Variants in DAB1 observed in about 807,000 individuals in gnomAD.
DAB1 encodes the protein disabled homolog 1.
In DAB1, 15 loss-of-function variants were observed where a neutral mutation model predicts 64.6. That is an observed-to-expected ratio of 0.23 (90% CI 0.16 to 0.36). DAB1 has a LOEUF of 0.36. DAB1 is among the 10% of genes least tolerant of loss of function. The probability of loss-of-function intolerance (pLI) is 1.00; values close to 1 mark genes in which losing one functional copy is unlikely to be tolerated. For missense variants in DAB1, 596 were observed against 706.7 expected, an observed-to-expected ratio of 0.84 and a Z score of 1.78; for synonymous variants, 235 against 251.9, an observed-to-expected ratio of 0.93 and a Z score of 0.64.
At chr1:58,048,678 G>A (rs1647410186) in intron 5 of DAB1, 15 of 1,308,400 alleles carry the variant, frequency 1.1e-5, no homozygotes, top group East Asian at 2.3e-5. Flanking sequence ...CCACCTCCAC[G>A]ACCACCACCA....
At chr1:57,501,026 C>T (rs567011792) in intron 7 of DAB1, among the ~76,000 whole-genome samples, 1 of 152,304 alleles carries the variant, frequency 6.6e-6, no homozygotes, top group East Asian at 1.9e-4. Flanking sequence ...TCCCTTACAT[C>T]CTGACTGGTA....
At chr1:57,336,553 G>A (rs968619745) in intron 1 of DAB1, among the ~76,000 whole-genome samples, 1 of 151,984 alleles carries the variant, frequency 6.6e-6, no homozygotes, top group African/African-American at 2.4e-5. Context: ...CTACAAGCTT[G>A]CAAACAAACT....
chr1:57,514,738 G>T (rs1644444671), intron 7 of DAB1, among the ~76,000 whole-genome samples: 1 of 152,156 alleles, frequency 6.6e-6, no homozygotes, highest in Non-Finnish European at 1.5e-5. Context: ...ATAGACAAAG[G>T]GTAGGCTGGG....
intron 4 of DAB1, among the ~76,000 whole-genome samples, chr1:58,165,571 T>C (rs758595967): frequency 2.0e-5 from 3 of 152,206 alleles, no homozygotes; most frequent in South Asian, 2.1e-4. Context: ...TGTTACCATG[T>C]TGAGTGTTAT....
chr1:58,357,595 C>T (rs1224830290), intron 3 of DAB1, among the ~76,000 whole-genome samples: 1 of 152,150 alleles, frequency 6.6e-6, no homozygotes, highest in Non-Finnish European at 1.5e-5. Context: ...GTTTAGATGG[C>T]ACTTGAAGCT....
intron 6 of DAB1, among the ~76,000 whole-genome samples, chr1:57,788,838 T>C (rs1650457515): frequency 6.6e-6 from 1 of 152,138 alleles, no homozygotes; most frequent in Admixed American, 6.5e-5. Flanking sequence ...TGCTTCAAAA[T>C]TGGCAGCTGG....
At chr1:57,524,713 G>A (rs1357774905) in intron 7 of DAB1, among the ~76,000 whole-genome samples, 1 of 152,188 alleles carries the variant, frequency 6.6e-6, no homozygotes, top group African/African-American at 2.4e-5. Flanking sequence ...GGGTGGGGCA[G>A]AAACAAATCA....
rs1645650616 is a variant in DAB1, at chr1:56,996,974, T to C, written c.*1170A>G. 1 of 152,162 alleles carries C rather than the reference T, an allele frequency of 6.6e-6. No homozygotes were observed. The highest frequency in any genetic ancestry group is 2.1e-4 in the South Asian group (1 of 4,834). 9.4% of individuals were successfully genotyped at this position (152,162 alleles called of 1,614,324 possible). A position where few individuals can be genotyped will look rare whatever the true frequency, so the allele number is the denominator to read the frequency against. Reference sequence around the variant, plus strand: ...ATGGTAAGGTTTTTTTTTCAAGTTATAAAATAAAAATCCCATTTGAATTTT... The same window carrying C: ...ATGGTAAGGTTTTTTTTTCAAGTTACAAAATAAAAATCCCATTTGAATTTT... On this transcript the variant is annotated 3_prime_UTR_variant, in exon 15 of 15. Transcript: ENST00000371236.
intron 6 of DAB1, among the ~76,000 whole-genome samples, chr1:57,687,681 C>G (rs1291519768): frequency 6.8e-6 from 1 of 147,880 alleles, no homozygotes; most frequent in Non-Finnish European, 1.5e-5. Flanking sequence ...TAAAAGGCTA[C>G]AGTAACCAAA....
intron 3 of DAB1, among the ~76,000 whole-genome samples, chr1:58,360,090 C>T (rs1207681688): frequency 6.6e-6 from 1 of 152,080 alleles, no homozygotes; most frequent in Non-Finnish European, 1.5e-5. Flanking sequence ...AATAAGATTC[C>T]ACCCCTGCCC....
chr1:57,666,143 C>T (rs1646444998), intron 6 of DAB1, among the ~76,000 whole-genome samples: 1 of 151,972 alleles, frequency 6.6e-6, no homozygotes, highest in Non-Finnish European at 1.5e-5. Context: ...AATTTAAAGT[C>T]TGGTAAGTAT....
At chr1:58,179,150 G>A (rs1656645863) in intron 4 of DAB1, among the ~76,000 whole-genome samples, 1 of 151,486 alleles carries the variant, frequency 6.6e-6, no homozygotes, top group Admixed American at 6.6e-5. Context: ...ATTTATGGAT[G>A]TTAAACCAAT....
At chr1:57,165,856 A>T (rs1272537571) in intron 2 of DAB1, among the ~76,000 whole-genome samples, 1 of 152,188 alleles carries the variant, frequency 6.6e-6, no homozygotes, top group African/African-American at 2.4e-5. Flanking sequence ...AGAAGTCCCC[A>T]GTCTACTGGA....
intron 7 of DAB1, among the ~76,000 whole-genome samples, chr1:57,469,919 T>C (rs979970691): frequency 7.2e-5 from 11 of 152,222 alleles, no homozygotes; most frequent in Non-Finnish European, 2.9e-5. Flanking sequence ...TGTTTAATTT[T>C]ATTTAACATC....
intron 5 of DAB1, chr1:58,048,458 C>G (rs1557625694): frequency 8.8e-7 from 1 of 1,137,924 alleles, no homozygotes. Flanking sequence ...GCCATAGCCA[C>G]TGCCCTGGTT....
At chr1:58,139,741 T>C (rs1654170496) in intron 5 of DAB1, among the ~76,000 whole-genome samples, 1 of 152,202 alleles carries the variant, frequency 6.6e-6, no homozygotes, top group Non-Finnish European at 1.5e-5. Flanking sequence ...TGTAATTTGA[T>C]TTGAACCTGG....
intron 6 of DAB1, among the ~76,000 whole-genome samples, chr1:57,769,860 A>G (rs1027339759): frequency 6.6e-6 from 1 of 152,132 alleles, no homozygotes; most frequent in Non-Finnish European, 1.5e-5. Flanking sequence ...ATGGCACAGC[A>G]CAGTCCCTTC....
At chr1:58,127,094 A>G (rs1653158510) in intron 5 of DAB1, among the ~76,000 whole-genome samples, 1 of 150,358 alleles carries the variant, frequency 6.7e-6, no homozygotes, top group Non-Finnish European at 1.5e-5. Flanking sequence ...ACGTGTTCCT[A>G]TTTTTCCACA....
intron 2 of DAB1, among the ~76,000 whole-genome samples, chr1:57,272,021 G>A (rs951406066): frequency 7.9e-5 from 12 of 152,208 alleles, no homozygotes; most frequent in Non-Finnish European, 1.3e-4. Flanking sequence ...TCTGAACACA[G>A]GGAGAAAGAA....
Sources: gnomAD v4.1 joint callset for allele counts (sites outside exome capture counted in the v4.1 genomes callset) on GRCh38, gnomAD v4.1.1 for gene constraint, MANE v1.5 for transcripts, NCBI Gene and HGNC (gene_info 2026-07-23, HGNC 2026-07-21) for gene names.